Variants in GOT1L1 observed in about 807,000 individuals in gnomAD.
The protein encoded by GOT1L1 is glutamic-oxaloacetic transaminase 1 like 1, also known as aspartate aminotransferase, cytoplasmic 2.
In GOT1L1, 38 loss-of-function variants were observed where a neutral mutation model predicts 43.6. The ratio of observed to expected loss-of-function variants is 0.87; its 90% confidence interval spans 0.67 to 1.14. The LOEUF (loss-of-function observed/expected upper bound fraction) is 1.14. Ranked by LOEUF, GOT1L1 falls within the 50% of genes most tolerant of loss-of-function variation. The pLI, the probability that GOT1L1 is intolerant of heterozygous loss-of-function variation, is 0.00. For synonymous variants in GOT1L1, 183 were observed against 187.2 expected, an observed-to-expected ratio of 0.98 and a Z score of 0.18; for missense variants, 482 against 504.0, an observed-to-expected ratio of 0.96 and a Z score of 0.42.
chr8:37,938,497 C>T (rs1807826015), intron 2 of GOT1L1, among the ~76,000 whole-genome samples: 1 of 152,184 alleles, frequency 6.6e-6, no homozygotes. Context: ...TTCAAATCAG[C>T]AGTGTGAGCA....
rs140514701 is a variant in GOT1L1 at position 37,935,109 on chromosome 8, C to A, written c.1036G>T (p.Glu346Ter). Residue 346 changes from glutamate (E) to a stop codon, truncating the protein, a stop_gained, in exon 8 of 9, where the codon GAG becomes TAG. Coordinates refer to ENST00000307599, the MANE Select transcript of GOT1L1 (RefSeq NM_152413.3). LOFTEE classifies it low-confidence loss of function (END_TRUNC). Reference protein sequence around the residue: ...GTPGSWGHITEQSGTHGYLGL... With the variant: ...GTPGSWGHIT Reference sequence around the variant, plus strand: ...AGATAGCCGTGGGTCCCACTCTGCTCGGTGATGTGACCCCAGGACCCAGGG... The same window carrying A: ...AGATAGCCGTGGGTCCCACTCTGCTAGGTGATGTGACCCCAGGACCCAGGG... The A allele has an allele frequency of 7.2e-5, 116 of 1,613,664 alleles. No homozygotes were observed. The African/African-American group carries it at 1.5e-3, about 20-fold the overall frequency.
Position 37,935,210 on chromosome 8 carries a change from T to TG in GOT1L1, c.934dup (p.Gln312ProfsTer68). On this transcript the variant is annotated frameshift_variant, in exon 8 of 9. Transcript: ENST00000307599. LOFTEE classifies it high-confidence loss of function. Reference sequence around the variant, plus strand: ...GTTCTCTACAACTTCTTTTAGACTCTGCTTCCTACCAAGGAAGGACAATGA... The same window carrying TG: ...GTTCTCTACAACTTCTTTTAGACTCTGGCTTCCTACCAAGGAAGGACAATGA... The TG allele has an allele frequency of 6.3e-7, 1 of 1,594,018 alleles. No homozygotes were observed. The highest frequency in any genetic ancestry group is 8.5e-7 in the Non-Finnish European group (1 of 1,169,690).
chr8:37,937,248 G>A (rs974741340), intron 4 of GOT1L1, 29 bp downstream of exon 4: 1 of 1,414,558 alleles, frequency 7.1e-7, no homozygotes, highest in Admixed American at 2.0e-5. Flanking sequence ...TCAGCTCTAG[G>A]GAGGAGTTTC....
chr8:37,940,088 C>A lies in GOT1L1; in HGVS notation c.-59G>T. On this transcript the variant is annotated 5_prime_UTR_variant, in exon 1 of 9. Coordinates refer to ENST00000307599, the MANE Select transcript of GOT1L1 (RefSeq NM_152413.3). Reference sequence around the variant, plus strand: ...CTCTGCTCCTGTGTTCCGCTTCTGCCCAGAAGTCTTCCTCCAAGGCTGGGC... The same window carrying A: ...CTCTGCTCCTGTGTTCCGCTTCTGCACAGAAGTCTTCCTCCAAGGCTGGGC... The A allele has an allele frequency of 1.3e-6, 2 of 1,544,980 alleles. No homozygotes were observed. Among genetic ancestry groups the A allele is most frequent in the Non-Finnish European group, 8.7e-7 (1 of 1,144,056 alleles).
At chr8:37,937,458 G>A (rs1807794022) in intron 3 of GOT1L1, 72 bp from the exon 4 acceptor site, 2 of 1,101,306 alleles carry the variant, frequency 1.8e-6, no homozygotes, top group Non-Finnish European at 2.7e-6. Context: ...ACTGGAGTGT[G>A]GGGCTGAGAG....
rs1276553688 is a variant in GOT1L1, at chr8:37,937,108, G to A, written c.520-51C>T. ...GCTTCACCCCCACCCAGGAGTGGCGGCCCCAGGGCATTTGGGGGTGAAGTG... is the reference window on the plus strand; with the variant it reads ...GCTTCACCCCCACCCAGGAGTGGCGACCCCAGGGCATTTGGGGGTGAAGTG... On this transcript the variant is annotated intron_variant, in intron 4 of 8. Coordinates refer to ENST00000307599, the MANE Select transcript of GOT1L1 (RefSeq NM_152413.3). 6.4e-6 allele frequency: 10 copies of A among 1,550,604 alleles called. No individual in the cohort carries two copies. The East Asian group carries it at 1.8e-4, about 28-fold the overall frequency.
At position 37,939,393 on chromosome 8, in the gene GOT1L1, A is replaced by G. The variant is rs548212682; in HGVS notation, c.116-512T>C. On this transcript the variant is annotated intron_variant, in intron 1 of 8. Transcript: ENST00000307599. Reference sequence around the variant, plus strand: ...CTTGCCACTGCACTTCAGCCTGGGCAACAGAGTGAGGCCCTGTCTCAAGAA... The same window carrying G: ...CTTGCCACTGCACTTCAGCCTGGGCGACAGAGTGAGGCCCTGTCTCAAGAA... Among the ~76,000 whole-genome samples the G allele has an allele frequency of 9.8e-4, 137 of 140,280 alleles. 1 individual carries two copies. Among genetic ancestry groups the G allele is most frequent in the African/African-American group, 3.3e-3 (124 of 37,738 alleles). The allele number at this position is 140,280 out of a possible 152,430, so 92.0% of individuals were successfully genotyped here.
chr8:37,935,981 T>C, intron 6 of GOT1L1, 112 bp from the exon 7 acceptor site: 1 of 1,204,588 alleles, frequency 8.3e-7, no homozygotes, highest in Non-Finnish European at 1.2e-6. Context: ...CACAAGGCCC[T>C]CATTGCAGCC....
chr8:37,939,431 A>AAAAAAAAAAAAAATATAT (rs1237987679), intron 1 of GOT1L1, among the ~76,000 whole-genome samples: 1 of 41,696 alleles, frequency 2.4e-5, no homozygotes, highest in African/African-American at 8.6e-5. Context: ...AAAAAAAAAA[A>AAAAAAAAAAAAAATATAT]ATATATATAT....
chr8:37,937,931 C>T (rs1472139385), intron 2 of GOT1L1, among the ~76,000 whole-genome samples, 182 bp from the exon 3 acceptor site: 1 of 152,132 alleles, frequency 6.6e-6, no homozygotes, highest in African/African-American at 2.4e-5. Context: ...ATCCCCGCTA[C>T]TCAAGAGGCT....
At position 37,938,879 on chromosome 8, in the gene GOT1L1, A is replaced by T; in HGVS notation, c.118T>A (p.Cys40Ser). 1 of 1,613,502 alleles carries T rather than the reference A, an allele frequency of 6.2e-7. No individual in the cohort carries two copies. Among genetic ancestry groups the T allele is most frequent in the African/African-American group, 1.3e-5 (1 of 75,064 alleles). Residue 40 changes from cysteine to serine, a missense_variant and splice_region_variant, in exon 2 of 9, where the codon TGC becomes AGC. By Grantham distance (112) the Cys-to-Ser change is moderately radical. Coordinates refer to ENST00000307599, the MANE Select transcript of GOT1L1 (RefSeq NM_152413.3). ...PNKIFLAYRVCMTNEGHPWVS... is the reference protein window; with the variant it reads ...PNKIFLAYRVSMTNEGHPWVS... ...CAGGGATGGCCTTCATTTGTCATGC[A>T]GACTGTGAGGAAAACCACAGAGGGA...
rs746110805 is a variant in GOT1L1 at position 37,938,803 on chromosome 8, G to A, written c.194C>T (p.Ser65Phe). ...KTRLQISQDP[S>F]LNYEYLPTMG... ...GGTGGGCAAGTACTCATAATTCAGG[G>A]AGGGATCCTGTGAAATCTGTAGTCG... Residue 65 changes from serine to phenylalanine, a missense_variant, in exon 2 of 9, where the codon TCC becomes TTC. Physicochemically the swap from Ser to Phe is radical, Grantham distance 155. Coordinates refer to ENST00000307599, the MANE Select transcript of GOT1L1 (RefSeq NM_152413.3). The A allele has an allele frequency of 6.2e-7, 1 of 1,613,820 alleles. No individual in the cohort carries two copies. Among genetic ancestry groups the A allele is most frequent in the South Asian group, 1.1e-5 (1 of 91,010 alleles).
At chr8:37,935,662 A>G in intron 7 of GOT1L1, 42 bp downstream of exon 7, 1 of 1,503,300 alleles carries the variant, frequency 6.7e-7, no homozygotes, top group South Asian at 1.4e-5. Context: ...GCAGGCACCC[A>G]GGGCCTCTCC....
intron 3 of GOT1L1, 68 bp from the exon 4 acceptor site, chr8:37,937,454 G>C: frequency 8.7e-7 from 1 of 1,145,810 alleles, no homozygotes; most frequent in Non-Finnish European, 1.3e-6. Context: ...AGGTACTGGA[G>C]TGTGGGGCTG....
At chr8:37,938,995 G>C in intron 1 of GOT1L1, 114 bp from the exon 2 acceptor site, 1 of 877,880 alleles carries the variant, frequency 1.1e-6, no homozygotes, top group Non-Finnish European at 1.8e-6. Context: ...CTGTGGGAAG[G>C]TGCCTGTGAA....
At chr8:37,936,380 T>C (rs1470138725) in intron 6 of GOT1L1, among the ~76,000 whole-genome samples, 1 of 151,800 alleles carries the variant, frequency 6.6e-6, no homozygotes, top group Non-Finnish European at 1.5e-5. Flanking sequence ...ATTCCTGGCC[T>C]CAAGTGATCA....
At chr8:37,934,854 G>T (rs1807702277) in intron 8 of GOT1L1, 2 of 600,030 alleles carry the variant, frequency 3.3e-6, no homozygotes, top group East Asian at 2.8e-5. Context: ...GGGATTACAG[G>T]CATGAGCCAC....
At chr8:37,935,485 G>A (rs1807719537) in intron 7 of GOT1L1, among the ~76,000 whole-genome samples, 1 of 152,142 alleles carries the variant, frequency 6.6e-6, no homozygotes, top group Non-Finnish European at 1.5e-5. Flanking sequence ...CATTGGCCTG[G>A]GTGCAAAACA....
At chr8:37,935,327 A>T (rs1359731805) in intron 7 of GOT1L1, 112 bp from the exon 8 acceptor site, 1 of 1,078,426 alleles carries the variant, frequency 9.3e-7, no homozygotes, top group African/African-American at 1.6e-5. Context: ...AGAGTGCCAG[A>T]GGCTCTGGGA....
Sources: allele counts gnomAD v4.1 joint callset (sites outside exome capture counted in the v4.1 genomes callset), GRCh38; gene constraint gnomAD v4.1.1; transcripts MANE v1.5; gene names NCBI Gene and HGNC (gene_info 2026-07-23, HGNC 2026-07-21).